Variants in TGS1 observed in about 807,000 individuals in gnomAD.
TGS1 encodes trimethylguanosine synthase 1, also known as trimethylguanosine synthase.
A neutral mutation model predicts 92.2 loss-of-function variants in TGS1; 69 were observed. That is an observed-to-expected ratio of 0.75 (90% CI 0.62 to 0.91). TGS1 has a LOEUF of 0.91. TGS1 is among the 40% of genes least tolerant of loss of function. TGS1 has a pLI of 0.00. For synonymous variants in TGS1, 345 were observed against 338.1 expected (o/e 1.02, Z -0.22); for missense variants, 1,062 against 1,001.2 (o/e 1.06, Z -0.82).
At chr8:55,796,239 C>T in intron 7 of TGS1, 87 bp downstream of exon 7, 2 of 1,006,294 alleles carry the variant, frequency 2.0e-6, no homozygotes, top group South Asian at 1.7e-5. Flanking sequence ...AAATAGGAAG[C>T]TTGTTTCTAC....
intron 12 of TGS1, among the ~76,000 whole-genome samples, chr8:55,819,245 C>T (rs565044584): frequency 9.1e-4 from 137 of 151,040 alleles, no homozygotes; most frequent in Non-Finnish European, 4.7e-4. Flanking sequence ...CTGGTAGCCT[C>T]CTCTTAGGAC....
chr8:55,793,773 TA>T lies in TGS1; in HGVS notation c.1367+990del, dbSNP rs1281160222. On this transcript the variant is annotated intron_variant, in intron 6 of 12. Coordinates refer to ENST00000260129, the MANE Select transcript of TGS1 (RefSeq NM_024831.8). ...TTATTTATTTATTTATTTATTTATT[TA>T]TTTTTTAATTTTTTATTTTTTTTAG... is the stretch of plus-strand genomic sequence containing the variant. 4.1e-3 allele frequency among the ~76,000 whole-genome samples: 607 copies of T among 149,524 alleles called. 4 individuals are homozygous for T. Among genetic ancestry groups the T allele is most frequent in the African/African-American group, 0.014 (583 of 40,250 alleles).
At chr8:55,822,646 A>G (rs1326539236) in intron 12 of TGS1, among the ~76,000 whole-genome samples, 4 of 151,686 alleles carry the variant, frequency 2.6e-5, no homozygotes, top group Non-Finnish European at 5.9e-5. Flanking sequence ...TGCTACTCTG[A>G]GACTACTTTG....
In TGS1 at chr8:55,786,582, G is replaced by C; in HGVS notation, c.684G>C (p.Trp228Cys). Residue 228 changes from tryptophan to cysteine, a missense_variant, in exon 4 of 13, where the codon TGG becomes TGC. Trp to Cys is a radical substitution (Grantham distance 215). Transcript: ENST00000260129. ...GTCAAGCACTATCTTCTGAACCTTG[G>C]AACTTTCCTGATACAAAGGAAGAAT... The part of the protein sequence containing the change: ...HPGQALSSEP[W>C]NFPDTKEEWE... The C allele has an allele frequency of 6.2e-7, 1 of 1,614,140 alleles. No homozygotes were observed. Among genetic ancestry groups the C allele is most frequent in the Non-Finnish European group, 8.5e-7 (1 of 1,180,022 alleles).
intron 2 of TGS1, among the ~76,000 whole-genome samples, chr8:55,785,316 A>C (rs1023472856): frequency 7.2e-5 from 11 of 152,148 alleles, no homozygotes; most frequent in Non-Finnish European, 1.5e-4. Context: ...TCAGCCTCCG[A>C]AAGTGCTGGG....
chr8:55,775,076 C>T (rs1345112872), intron 1 of TGS1, among the ~76,000 whole-genome samples: 2 of 152,050 alleles, frequency 1.3e-5, no homozygotes, highest in Admixed American at 1.3e-4. Context: ...ATAACAACAC[C>T]TCATCTGTAC....
In TGS1 at chr8:55,793,552, A is replaced by G. The variant is rs888532044; in HGVS notation, c.1367+768A>G. ...TTGTGTGCTATGACTACATACATGT[A>G]CACACATTTTTTGTTTGTTTTGTTT... On this transcript the variant is annotated intron_variant, in intron 6 of 12. Transcript: ENST00000260129. Among the ~76,000 whole-genome samples the G allele has an allele frequency of 1.1e-4, 17 of 152,084 alleles. No individual in the cohort carries two copies. In the East Asian group the frequency reaches 3.3e-3, roughly 29 times the overall value.
At chr8:55,815,681 C>T (rs1803454956) in intron 12 of TGS1, among the ~76,000 whole-genome samples, 1 of 152,066 alleles carries the variant, frequency 6.6e-6, no homozygotes, top group African/African-American at 2.4e-5. Flanking sequence ...TACAACTTAT[C>T]TCAAATATTT....
chr8:55,784,426 C>T (rs927664643), intron 2 of TGS1, among the ~76,000 whole-genome samples: 2 of 152,134 alleles, frequency 1.3e-5, no homozygotes, highest in Non-Finnish European at 2.9e-5. Context: ...AAGCATTCCT[C>T]TCACCTCAGC....
intron 7 of TGS1, among the ~76,000 whole-genome samples, chr8:55,797,011 T>C (rs1292957968): frequency 1.3e-5 from 2 of 151,946 alleles, no homozygotes; most frequent in South Asian, 4.2e-4. Flanking sequence ...CAACCTTGCC[T>C]ATGTAGTAAC....
chr8:55,819,417 C>G (rs1803574960), intron 12 of TGS1, among the ~76,000 whole-genome samples: 2 of 151,704 alleles, frequency 1.3e-5, no homozygotes, highest in Non-Finnish European at 2.9e-5. Context: ...CTACCTCAGC[C>G]TCCCAAGTAG....
intron 3 of TGS1, 64 bp from the exon 4 acceptor site, chr8:55,786,174 G>A: frequency 2.1e-6 from 2 of 933,808 alleles, no homozygotes; most frequent in Admixed American, 6.4e-5. Context: ...AAATAGACTT[G>A]GATTCTACTT....
intron 10 of TGS1, among the ~76,000 whole-genome samples, chr8:55,807,674 C>G (rs568724448): frequency 6.6e-6 from 1 of 151,954 alleles, no homozygotes; most frequent in African/African-American, 2.4e-5. Flanking sequence ...ACTACAGGCA[C>G]GTGCCAGTAT....
chr8:55,780,009 A>G (rs1811519480), intron 1 of TGS1, among the ~76,000 whole-genome samples: 1 of 151,414 alleles, frequency 6.6e-6, no homozygotes, highest in African/African-American at 2.4e-5. Flanking sequence ...GGCCCACACT[A>G]CCACACCCAG....
intron 3 of TGS1, 77 bp downstream of exon 3, chr8:55,785,968 A>T (rs1409108190): frequency 8.4e-7 from 1 of 1,185,488 alleles, no homozygotes; most frequent in East Asian, 2.5e-5. Context: ...ACTTTTTATC[A>T]GATTATATGC....
intron 1 of TGS1, among the ~76,000 whole-genome samples, chr8:55,777,299 T>A (rs1811428935): frequency 6.6e-6 from 1 of 150,854 alleles, no homozygotes; most frequent in Admixed American, 6.6e-5. Context: ...GTTTTTTTTT[T>A]TTTTTAGCCA....
chr8:55,800,745 G>A (rs1016999166), intron 8 of TGS1, among the ~76,000 whole-genome samples: 1 of 152,150 alleles, frequency 6.6e-6, no homozygotes, highest in Admixed American at 6.5e-5. Flanking sequence ...CTTGTTTGGG[G>A]ATGGGGAGAT....
rs147110797 is a variant in TGS1 at position 55,787,904 on chromosome 8, G to T, written c.1162+844G>T. ...TGGCAAGAGAGAGAGCAAGAGAGAG[G>T]GGGGAGGTCCCAGGCTCTTGTTAGC... On this transcript the variant is annotated intron_variant, in intron 4 of 12. Coordinates refer to ENST00000260129, the MANE Select transcript of TGS1 (RefSeq NM_024831.8). Among the ~76,000 whole-genome samples the T allele has an allele frequency of 5.3e-5, 8 of 152,162 alleles. No individual in the cohort carries two copies. The East Asian group carries it at 1.5e-3, about 29-fold the overall frequency.
chr8:55,812,135 G>A (rs1262845632), intron 11 of TGS1, among the ~76,000 whole-genome samples: 1 of 152,108 alleles, frequency 6.6e-6, no homozygotes, highest in Non-Finnish European at 1.5e-5. Context: ...TTATTTCATA[G>A]AGTAACGTTT....
Sources: allele counts gnomAD v4.1 joint callset (sites outside exome capture counted in the v4.1 genomes callset), GRCh38; gene constraint gnomAD v4.1.1; transcripts MANE v1.5; gene names NCBI Gene and HGNC (gene_info 2026-07-23, HGNC 2026-07-21).